The following NELL1 variants were observed in gnomAD, a reference collection of about 807,000 sequenced individuals.
The protein encoded by NELL1 is protein kinase C-binding protein NELL1.
NELL1 carries 76 observed loss-of-function variants against 107.4 expected under a neutral mutation model. The ratio of observed to expected loss-of-function variants is 0.71; its 90% CI spans 0.59 to 0.86. The LOEUF (loss-of-function observed/expected upper bound fraction) is 0.86. Ranked by LOEUF, NELL1 falls within the 40% of genes least tolerant of loss-of-function variation. The pLI, the probability that NELL1 is intolerant of heterozygous loss-of-function variation, is 0.00. For synonymous variants in NELL1, 353 were observed against 341.2 expected, an observed-to-expected ratio of 1.03 and a Z score of -0.38; for missense variants, 1,024 against 1,005.5, an observed-to-expected ratio of 1.02 and a Z score of -0.25.
chr11:21,566,838 T>C (rs1397844007), intron 17 of NELL1, among the ~76,000 whole-genome samples: 1 of 151,928 alleles, frequency 6.6e-6, no homozygotes, highest in Non-Finnish European at 1.5e-5. Context: ...AAAATGATTT[T>C]CTTGACAGTT....
intron 2 of NELL1, among the ~76,000 whole-genome samples, chr11:20,700,371 C>T (rs973645265): frequency 3.3e-5 from 5 of 151,568 alleles, no homozygotes; most frequent in East Asian, 1.9e-4. Flanking sequence ...CCTAGCTACT[C>T]GGGAGGCTGA....
Position 21,194,100 on chromosome 11 carries a change from G to A in NELL1, c.1427-35232G>A, listed in dbSNP as rs191320286. ...ATGGAACTCATATTGACCTTTAGTC[G>A]CTGTTAAAATATCTCTAAAGGACAG... On this transcript the variant is annotated intron_variant, in intron 13 of 19. Transcript: ENST00000357134. Among the ~76,000 whole-genome samples the A allele has an allele frequency of 2.4e-4, 37 of 151,886 alleles. 1 individual carries two copies. The East Asian group carries it at 6.0e-3, about 25-fold the overall frequency.
chr11:21,133,838 A>G (rs181393264), intron 13 of NELL1, among the ~76,000 whole-genome samples: 1 of 152,270 alleles, frequency 6.6e-6, no homozygotes, highest in Admixed American at 6.5e-5. Context: ...CGGGTTCACA[A>G]CTGTGGCTGG....
At chr11:21,508,326 A>G (rs963807326) in intron 15 of NELL1, among the ~76,000 whole-genome samples, 1 of 152,186 alleles carries the variant, frequency 6.6e-6, no homozygotes, top group African/African-American at 2.4e-5. Flanking sequence ...GAAATAAAAT[A>G]TTGTGTAGAT....
At chr11:20,955,062 G>A (rs761959999) in intron 11 of NELL1, among the ~76,000 whole-genome samples, 4 of 152,164 alleles carry the variant, frequency 2.6e-5, no homozygotes, top group Non-Finnish European at 4.4e-5. Flanking sequence ...TCTAATTATT[G>A]ATCAATTCAG....
intron 2 of NELL1, among the ~76,000 whole-genome samples, chr11:20,702,791 C>A (rs1854830688): frequency 6.6e-6 from 1 of 152,062 alleles, no homozygotes; most frequent in African/African-American, 2.4e-5. Context: ...CTTTGGTTCT[C>A]TTTATATGAT....
intron 5 of NELL1, among the ~76,000 whole-genome samples, chr11:20,886,868 A>G (rs1464453384): frequency 2.0e-5 from 3 of 152,242 alleles, no homozygotes; most frequent in African/African-American, 7.2e-5. Context: ...TGTAATTTAC[A>G]TACAGGAAAA....
chr11:21,321,160 C>T (rs1373333096), intron 14 of NELL1, among the ~76,000 whole-genome samples: 6 of 152,156 alleles, frequency 3.9e-5, no homozygotes, highest in Non-Finnish European at 8.8e-5. Context: ...GAAAATGCAC[C>T]TTTGGTGCTG....
At chr11:21,093,787 A>AGAACTGCATGG (rs1207171128) in intron 12 of NELL1, among the ~76,000 whole-genome samples, 1 of 152,174 alleles carries the variant, frequency 6.6e-6, no homozygotes, top group African/African-American at 2.4e-5. Flanking sequence ...CGCTATCATG[A>AGAACTGCATGG]GAACTGCATG....
At chr11:20,840,434 C>T (rs1848600054) in intron 3 of NELL1, among the ~76,000 whole-genome samples, 2 of 152,166 alleles carry the variant, frequency 1.3e-5, no homozygotes, top group African/African-American at 4.8e-5. Context: ...TCTATTCTAC[C>T]ACTTTTGTGG....
At position 21,172,636 on chromosome 11, in the gene NELL1, T is replaced by A. The variant is rs572344695; in HGVS notation, c.1427-56696T>A. Among the ~76,000 whole-genome samples the A allele has an allele frequency of 1.3e-4, 20 of 151,962 alleles. 1 individual carries two copies. The highest frequency in any genetic ancestry group is 2.2e-4 in the African/African-American group (9 of 41,234). On this transcript the variant is annotated intron_variant, in intron 13 of 19. Transcript: ENST00000357134. Reference sequence around the variant, plus strand: ...ATCCCATGGGCTATTTTTAATTATTTTTTTTTCTCTAGTCTCTGTATTCAA... The same window carrying A: ...ATCCCATGGGCTATTTTTAATTATTATTTTTTCTCTAGTCTCTGTATTCAA...
At chr11:21,263,495 T>C (rs1848573376) in intron 14 of NELL1, among the ~76,000 whole-genome samples, 1 of 152,030 alleles carries the variant, frequency 6.6e-6, no homozygotes, top group Non-Finnish European at 1.5e-5. Flanking sequence ...CTGATTGCCA[T>C]ATACACTTTC....
At chr11:20,907,351 G>A (rs923674328) in intron 5 of NELL1, among the ~76,000 whole-genome samples, 1 of 151,680 alleles carries the variant, frequency 6.6e-6, no homozygotes, top group Non-Finnish European at 1.5e-5. Flanking sequence ...AATGTCCAGA[G>A]TATACAAAGT....
chr11:20,894,207 C>A (rs192046763), intron 5 of NELL1, among the ~76,000 whole-genome samples: 1 of 152,100 alleles, frequency 6.6e-6, no homozygotes, highest in Admixed American at 6.6e-5. Context: ...TACTTTATGA[C>A]CTCGATGTAG....
chr11:21,467,536 T>C (rs1304678662), intron 15 of NELL1, among the ~76,000 whole-genome samples: 2 of 152,094 alleles, frequency 1.3e-5, no homozygotes, highest in African/African-American at 4.8e-5. Flanking sequence ...TTGACTTAAA[T>C]CTAAACTTGC....
At chr11:21,125,162 C>G (rs1855459984) in intron 13 of NELL1, among the ~76,000 whole-genome samples, 1 of 152,102 alleles carries the variant, frequency 6.6e-6, no homozygotes, top group African/African-American at 2.4e-5. Context: ...GAAGGGTTTT[C>G]AGAAACAAGG....
chr11:20,740,617 A>G (rs551908098), intron 2 of NELL1, among the ~76,000 whole-genome samples: 4 of 152,150 alleles, frequency 2.6e-5, no homozygotes, highest in Non-Finnish European at 5.9e-5. Context: ...TGGTGTCCCA[A>G]GTTGCAGCAT....
At chr11:21,144,097 A>G (rs1318250760) in intron 13 of NELL1, among the ~76,000 whole-genome samples, 1 of 152,182 alleles carries the variant, frequency 6.6e-6, no homozygotes, top group Non-Finnish European at 1.5e-5. Flanking sequence ...GAGAAAAGGA[A>G]CGATGGTGGA....
At chr11:20,965,021 C>T (rs111621660) in intron 12 of NELL1, among the ~76,000 whole-genome samples, 1,866 of 152,144 alleles carry the variant, frequency 0.012, 12 homozygotes, top group Middle Eastern at 0.031. Context: ...CGTAAGCCTA[C>T]GATATGTCTC....
Sources: allele counts gnomAD v4.1 joint callset (sites outside exome capture counted in the v4.1 genomes callset), GRCh38; gene constraint gnomAD v4.1.1; transcripts MANE v1.5; gene names NCBI Gene and HGNC (gene_info 2026-07-23, HGNC 2026-07-21).